USP15: variants seen among roughly 807,000 people sequenced by gnomAD.
USP15 encodes ubiquitin carboxyl-terminal hydrolase 15.
In USP15, 18 loss-of-function variants were observed where a neutral mutation model predicts 127.1. That is an observed-to-expected ratio of 0.14 (90% CI 0.10 to 0.21). The LOEUF (loss-of-function observed/expected upper bound fraction) is 0.21. USP15 is among the 10% of genes least tolerant of loss of function. The probability of loss-of-function intolerance (pLI) is 1.00; values close to 1 mark genes in which losing one functional copy is unlikely to be tolerated. For synonymous variants in USP15, 364 were observed against 393.7 expected, an observed-to-expected ratio of 0.92 and a Z score of 0.89; for missense variants, 805 against 1,159.9, an observed-to-expected ratio of 0.69 and a Z score of 4.44.
intron 3 of USP15, among the ~76,000 whole-genome samples, chr12:62,314,382 C>T (rs1003182867): frequency 1.3e-5 from 2 of 151,810 alleles, no homozygotes; most frequent in African/African-American, 4.8e-5. Flanking sequence ...TTTGTATCTT[C>T]AATCAGAACT....
chr12:62,335,546 CTACATATA>C, intron 6 of USP15: 1 of 1,077,148 alleles, frequency 9.3e-7, no homozygotes, highest in South Asian at 3.9e-5. Context: ...CTCCTCTCTC[CTACATATA>C]TAAATGCCTA....
chr12:62,374,127 G>GA (rs532989902), intron 8 of USP15, among the ~76,000 whole-genome samples: 55 of 151,922 alleles, frequency 3.6e-4, no homozygotes, highest in African/African-American at 1.2e-3. Context: ...TTAAAATCCA[G>GA]AAAAAAACTG....
chr12:62,264,158 A>G (rs1320070181), intron 1 of USP15, among the ~76,000 whole-genome samples: 1 of 151,914 alleles, frequency 6.6e-6, no homozygotes, highest in Non-Finnish European at 1.5e-5. Context: ...CTAATTTTTT[A>G]TTTTTAGTAG....
At chr12:62,283,848 A>C (rs1452144268) in intron 1 of USP15, among the ~76,000 whole-genome samples, 1 of 152,204 alleles carries the variant, frequency 6.6e-6, no homozygotes, top group Non-Finnish European at 1.5e-5. Flanking sequence ...AGGCTGAGGC[A>C]CGAGAATTGC....
At chr12:62,357,521 G>A (rs563923831) in intron 8 of USP15, among the ~76,000 whole-genome samples, 55 of 152,090 alleles carry the variant, frequency 3.6e-4, no homozygotes, top group African/African-American at 1.1e-3. Context: ...AGACACAGCC[G>A]TGAGCGTGAT....
intron 1 of USP15, among the ~76,000 whole-genome samples, chr12:62,281,649 AT>A: frequency 6.6e-6 from 1 of 152,186 alleles, no homozygotes; most frequent in South Asian, 2.1e-4. Flanking sequence ...AGATTCTCCT[AT>A]TTTTCTACTT....
intron 8 of USP15, among the ~76,000 whole-genome samples, chr12:62,374,941 G>A (rs1332625452): frequency 6.6e-6 from 1 of 151,884 alleles, no homozygotes; most frequent in African/African-American, 2.4e-5. Context: ...GTTAAGGAAG[G>A]GTATTTATAA....
At position 62,384,582 on chromosome 12, in the gene USP15, A is replaced by G. The variant is rs534838010; in HGVS notation, c.1473+280A>G. 2.6e-5 allele frequency among the ~76,000 whole-genome samples: 4 copies of G among 151,648 alleles called. No individual in the cohort carries two copies. The East Asian group carries it at 7.7e-4, about 29-fold the overall frequency. On this transcript the variant is annotated intron_variant, in intron 11 of 21. Transcript: ENST00000280377. ...ATAATATTGGGGTGAATATTAGCTTATGAAGATCAACATAATATTTTTAAT... is the reference window on the plus strand; with the variant it reads ...ATAATATTGGGGTGAATATTAGCTTGTGAAGATCAACATAATATTTTTAAT...
intron 1 of USP15, among the ~76,000 whole-genome samples, chr12:62,275,063 G>A (rs1267427597): frequency 6.6e-6 from 1 of 152,026 alleles, no homozygotes; most frequent in Non-Finnish European, 1.5e-5. Context: ...GTTATGGAGC[G>A]GGGAATATAG....
At chr12:62,373,917 G>A (rs2066751166) in intron 8 of USP15, among the ~76,000 whole-genome samples, 1 of 151,828 alleles carries the variant, frequency 6.6e-6, no homozygotes, top group Non-Finnish European at 1.5e-5. Flanking sequence ...GCCTATATTT[G>A]TAGTTTTTAA....
Position 62,404,554 on chromosome 12 carries a change from T to A in USP15, c.*179T>A. On this transcript the variant is annotated 3_prime_UTR_variant, in exon 22 of 22. Coordinates refer to ENST00000280377, the MANE Select transcript of USP15 (RefSeq NM_001252078.2). ...TTGAAGTGAAACACAATGAAAACTT[T>A]AACAGAAATTGTCTCTTAATACATT... 1 of 808,208 alleles carries A rather than the reference T, an allele frequency of 1.2e-6. No individual in the cohort carries two copies. The highest frequency in any genetic ancestry group is 1.7e-6 in the Non-Finnish European group (1 of 586,518). The allele number at this position is 808,208 out of a possible 1,614,324, so 50.1% of individuals were successfully genotyped here.
intron 1 of USP15, among the ~76,000 whole-genome samples, chr12:62,285,860 A>G (rs2063771734): frequency 6.6e-6 from 1 of 152,110 alleles, no homozygotes; most frequent in African/African-American, 2.4e-5. Context: ...AGAAATCTCC[A>G]TACTGTTTTC....
At chr12:62,335,554 A>G in intron 6 of USP15, 2 of 1,060,448 alleles carry the variant, frequency 1.9e-6, no homozygotes, top group Non-Finnish European at 2.3e-6. Flanking sequence ...TCCTACATAT[A>G]TAAATGCCTA....
chr12:62,322,587 T>C (rs1275752290), intron 5 of USP15, among the ~76,000 whole-genome samples: 1 of 152,176 alleles, frequency 6.6e-6, no homozygotes, highest in Non-Finnish European at 1.5e-5. Context: ...TTCCTGTATC[T>C]CCAGGCTCTT....
chr12:62,396,224 T>A (rs1565915036), intron 19 of USP15, 71 bp from the exon 20 acceptor site: 1 of 1,216,602 alleles, frequency 8.2e-7, no homozygotes, highest in East Asian at 2.5e-5. Context: ...CAAACAACAA[T>A]GGCAGAAGGG....
intron 3 of USP15, among the ~76,000 whole-genome samples, chr12:62,306,835 TA>T (rs1759314327): frequency 6.6e-6 from 1 of 152,142 alleles, no homozygotes; most frequent in Non-Finnish European, 1.5e-5. Context: ...GGTGTGACTG[TA>T]AGTTACCTCA....
At chr12:62,402,995 G>C (rs1294620343) in intron 21 of USP15, among the ~76,000 whole-genome samples, 2 of 152,008 alleles carry the variant, frequency 1.3e-5, no homozygotes, top group African/African-American at 4.8e-5. Context: ...ATATAATAAG[G>C]ATAATAGATG....
rs1458244460 is a variant in USP15 at position 62,405,021 on chromosome 12, G to A, written c.*646G>A. ...ATTATATTCATTTTACTGCCACTGT[G>A]GAAACAGGTTCTAGATTTCATACTC... On this transcript the variant is annotated 3_prime_UTR_variant, in exon 22 of 22. Coordinates refer to ENST00000280377, the MANE Select transcript of USP15 (RefSeq NM_001252078.2). The A allele has an allele frequency of 6.6e-6, 1 of 151,950 alleles. No individual in the cohort carries two copies. The highest frequency in any genetic ancestry group is 1.5e-5 in the Non-Finnish European group (1 of 67,958). The allele number at this position is 151,950 out of a possible 1,614,324, so 9.4% of individuals were successfully genotyped here.
At chr12:62,289,697 T>TGTG (rs2063898374) in intron 1 of USP15, among the ~76,000 whole-genome samples, 1 of 135,430 alleles carries the variant, frequency 7.4e-6, no homozygotes, top group African/African-American at 2.8e-5. Context: ...GGTTGTTAAT[T>TGTG]TGTGTGTGTG....
Sources: gnomAD v4.1 joint callset for allele counts (sites outside exome capture counted in the v4.1 genomes callset) on GRCh38, gnomAD v4.1.1 for gene constraint, MANE v1.5 for transcripts, NCBI Gene and HGNC (gene_info 2026-07-23, HGNC 2026-07-21) for gene names.